Variants in CYP4F12 observed in about 807,000 individuals in gnomAD.
CYP4F12 encodes cytochrome P450 4F12.
Under a neutral mutation model 56.5 loss-of-function variants are expected in CYP4F12, and 60 were observed. That is an observed-to-expected ratio of 1.06 (90% CI 0.86 to 1.32). The LOEUF is 1.32. Among genes scored for constraint, CYP4F12 ranks in the 40% most tolerant of loss-of-function variants. The pLI, the probability that CYP4F12 is intolerant of heterozygous loss-of-function variation, is 0.00. For synonymous variants in CYP4F12, 263 were observed against 264.9 expected, an observed-to-expected ratio of 0.99 and a Z score of 0.07; for missense variants, 711 against 683.5, an observed-to-expected ratio of 1.04 and a Z score of -0.45.
intron 8 of CYP4F12, 22 bp downstream of exon 8, chr19:15,684,904 TA>T: frequency 8.2e-6 from 13 of 1,588,940 alleles, no homozygotes; most frequent in Non-Finnish European, 1.1e-5. Flanking sequence ...AGTGTGGGAC[TA>T]CAGTGGAGAC....
At chr19:15,679,471 T>A (rs2007163793) in intron 3 of CYP4F12, among the ~76,000 whole-genome samples, 1 of 27,290 alleles carries the variant, frequency 3.7e-5, no homozygotes, top group African/African-American at 7.4e-5. Context: ...AGGGGTCCCA[T>A]AAATAGCCGC....
At chr19:15,688,473 A>G (rs1568423180) in intron 9 of CYP4F12, among the ~76,000 whole-genome samples, 2 of 152,234 alleles carry the variant, frequency 1.3e-5, no homozygotes, top group South Asian at 2.1e-4. Flanking sequence ...ACACAAACCA[A>G]TGAAAACACA....
chr19:15,675,222 G>T (rs74182257), intron 2 of CYP4F12, among the ~76,000 whole-genome samples: 55,940 of 63,608 alleles, frequency 0.88, 25,621 homozygotes, highest in East Asian at 1. Flanking sequence ...CCCTCCGACT[G>T]GGACCGGCCC....
chr19:15,683,268 G>A (rs2144731193), intron 6 of CYP4F12, among the ~76,000 whole-genome samples: 1 of 152,282 alleles, frequency 6.6e-6, no homozygotes. Context: ...CTATACTCTA[G>A]GTGCCTAGGT....
Position 15,697,014 on chromosome 19 carries a change from C to T in CYP4F12, c.1504C>T (p.Leu502=). ...LPDHTEPRRK[L]ELIMRAEGGL... ...AGACCACACTGAGCCCCGCAGGAAG[C>T]TGGAATTGATCATGCGCGCCGAGGG... Residue 502 remains leucine (L), a synonymous_variant, in exon 13 of 13, where the codon CTG becomes TTG. Transcript: ENST00000550308. 6.2e-7 allele frequency: 1 copy of T among 1,614,242 alleles called. No homozygotes were observed. Among genetic ancestry groups the T allele is most frequent in the Non-Finnish European group, 8.5e-7 (1 of 1,180,034 alleles).
chr19:15,695,080 C>T (rs371011569), intron 9 of CYP4F12, among the ~76,000 whole-genome samples: 3 of 151,980 alleles, frequency 2.0e-5, no homozygotes, highest in African/African-American at 4.8e-5. Flanking sequence ...CTATTCACAA[C>T]AGCAAAGACT....
intron 9 of CYP4F12, among the ~76,000 whole-genome samples, chr19:15,692,215 C>T (rs1392081746): frequency 2.0e-5 from 3 of 152,108 alleles, no homozygotes; most frequent in African/African-American, 7.2e-5. Flanking sequence ...CCTCGGCCTC[C>T]CAATACTCTG....
In CYP4F12 at chr19:15,678,328, C is replaced by A. The variant is rs200483875; in HGVS notation, c.266C>A (p.Thr89Lys). The part of the protein sequence containing the change: ...QMSATYSQGF[T>K]VWLGPIIPFI... ...TCGGCCACCTATTCCCAGGGCTTTA[C>A]GGTATGGCTGGGTCCCATCATCCCC... The change falls in exon 3 of 13, where the codon ACG becomes AAG. Residue 89 changes from threonine to lysine, a missense_variant. Thr to Lys is a moderately conservative substitution (Grantham distance 78). Coordinates refer to ENST00000550308, the MANE Select transcript of CYP4F12 (RefSeq NM_023944.4). 1 of 1,614,190 alleles carries A rather than the reference C, an allele frequency of 6.2e-7. No homozygotes were observed. Among genetic ancestry groups the A allele is most frequent in the Non-Finnish European group, 8.5e-7 (1 of 1,180,036 alleles).
chr19:15,680,591 A>C (rs2007242197), intron 5 of CYP4F12, 72 bp downstream of exon 5: 1 of 1,608,842 alleles, frequency 6.2e-7, no homozygotes. Context: ...CTGGTCTGGA[A>C]TTTTGGCTCT....
chr19:15,682,152 G>A (rs528111315), intron 5 of CYP4F12: 92 of 419,336 alleles, frequency 2.2e-4, no homozygotes, highest in African/African-American at 1.7e-3. Flanking sequence ...AGGGCACATA[G>A]AGCATAGGAG....
At chr19:15,688,077 G>T (rs1177776282) in intron 9 of CYP4F12, among the ~76,000 whole-genome samples, 2 of 152,182 alleles carry the variant, frequency 1.3e-5, no homozygotes, top group African/African-American at 4.8e-5. Context: ...TGAAAGCATT[G>T]CTATTTCTGT....
At chr19:15,679,509 T>C (rs772684270) in intron 3 of CYP4F12, among the ~76,000 whole-genome samples, 39 of 152,232 alleles carry the variant, frequency 2.6e-4, no homozygotes, top group Non-Finnish European at 4.9e-4. Context: ...TACCTGGTTA[T>C]ATCTTTTCTG....
At chr19:15,678,887 C>T (rs967049903) in intron 3 of CYP4F12, among the ~76,000 whole-genome samples, 16 of 152,282 alleles carry the variant, frequency 1.1e-4, no homozygotes, top group Non-Finnish European at 1.3e-4. Context: ...CAGTCCAAAG[C>T]GGTAGGAGGA....
At chr19:15,693,834 A>G (rs12971525) in intron 9 of CYP4F12, among the ~76,000 whole-genome samples, 42,150 of 142,262 alleles carry the variant, frequency 0.3, 7,584 homozygotes, top group East Asian at 0.7. Flanking sequence ...CTAACGTTTA[A>G]GTCTTTATTC....
intron 7 of CYP4F12, chr19:15,683,967 A>G (rs2007459320): frequency 3.9e-6 from 2 of 509,110 alleles, no homozygotes; most frequent in East Asian, 6.9e-5. Flanking sequence ...GAGGAGCATG[A>G]TATTTTATTC....
intron 9 of CYP4F12, among the ~76,000 whole-genome samples, chr19:15,687,835 C>T (rs994859114): frequency 8.5e-5 from 13 of 152,180 alleles, no homozygotes; most frequent in African/African-American, 3.1e-4. Context: ...CCAGCATGGA[C>T]TGAGGGAAGC....
rs972733624 is a variant in CYP4F12 at position 15,682,245 on chromosome 19, C to T, written c.526-144C>T. On this transcript the variant is annotated intron_variant, in intron 5 of 12. Coordinates refer to ENST00000550308, the MANE Select transcript of CYP4F12 (RefSeq NM_023944.4). Reference sequence around the variant, plus strand: ...TATACTAACAGTTTCTGCTCGCATCCCAGTCTGGTCCTCGCTGGCAATGGG... The same window carrying T: ...TATACTAACAGTTTCTGCTCGCATCTCAGTCTGGTCCTCGCTGGCAATGGG... 49 of 1,148,232 alleles carry T rather than the reference C, an allele frequency of 4.3e-5. No individual in the cohort carries two copies. In the African/African-American group the frequency reaches 6.6e-4, roughly 16 times the overall value. The allele number at this position is 1,148,232 out of a possible 1,614,324, so 71.1% of individuals were successfully genotyped here. A position where few individuals can be genotyped will look rare whatever the true frequency, so the allele number is the denominator to read the frequency against.
chr19:15,688,989 T>C (rs2525561), intron 9 of CYP4F12, among the ~76,000 whole-genome samples: 44,262 of 152,012 alleles, frequency 0.29, 7,156 homozygotes, highest in African/African-American at 0.42. Context: ...CATAACAATT[T>C]TATAAGATAA....
chr19:15,683,899 G>C, intron 7 of CYP4F12, 136 bp downstream of exon 7: 1 of 1,186,924 alleles, frequency 8.4e-7, no homozygotes, highest in African/African-American at 1.5e-5. Context: ...TCACAGATAG[G>C]TTTTAGAGAT....
Sources: gnomAD v4.1 joint callset for allele counts (sites outside exome capture counted in the v4.1 genomes callset) on GRCh38, gnomAD v4.1.1 for gene constraint, MANE v1.5 for transcripts, NCBI Gene and HGNC (gene_info 2026-07-23, HGNC 2026-07-21) for gene names.